Variants in BCO1 observed in about 807,000 individuals in gnomAD.
BCO1 encodes the protein beta-carotene oxygenase 1.
A neutral mutation model predicts 56.3 loss-of-function variants in BCO1; 54 were observed. The ratio of observed to expected loss-of-function variants is 0.96; its 90% CI spans 0.77 to 1.20. BCO1 has a LOEUF of 1.20. Among genes scored for constraint, BCO1 ranks in the 50% most tolerant of loss-of-function variants. The probability of loss-of-function intolerance (pLI) is 0.00; values close to 1 mark genes in which losing one functional copy is unlikely to be tolerated. For synonymous variants in BCO1, 318 were observed against 266.1 expected, an observed-to-expected ratio of 1.20 and a Z score of -1.90; for missense variants, 801 against 690.9, an observed-to-expected ratio of 1.16 and a Z score of -1.79.
chr16:81,267,829 T>C, intron 5 of BCO1, 79 bp from the exon 6 acceptor site: 1 of 1,222,708 alleles, frequency 8.2e-7, no homozygotes, highest in South Asian at 1.2e-5. Flanking sequence ...TCAAGTCAGT[T>C]TGTAGGTGAT....
intron 9 of BCO1, among the ~76,000 whole-genome samples, chr16:81,287,094 C>G (rs1240526762): frequency 6.7e-6 from 1 of 149,332 alleles, no homozygotes; most frequent in African/African-American, 2.5e-5. Context: ...AACAAACAAA[C>G]AAAAAACTGG....
At chr16:81,273,472 C>G (rs565443408) in intron 7 of BCO1, among the ~76,000 whole-genome samples, 1 of 152,248 alleles carries the variant, frequency 6.6e-6, no homozygotes, top group African/African-American at 2.4e-5. Flanking sequence ...TTCAGCCACC[C>G]TCCCAGCCAG....
chr16:81,252,837 T>G (rs1464591062), intron 2 of BCO1, among the ~76,000 whole-genome samples: 1 of 152,150 alleles, frequency 6.6e-6, no homozygotes, highest in Non-Finnish European at 1.5e-5. Flanking sequence ...TGGGAGTCAA[T>G]GCGCAGGACC....
intron 5 of BCO1, among the ~76,000 whole-genome samples, chr16:81,265,883 C>T (rs1445233030): frequency 2.1e-5 from 3 of 141,660 alleles, no homozygotes; most frequent in Non-Finnish European, 3.1e-5. Context: ...ATCCATCTAC[C>T]ATCCATCCAT....
intron 2 of BCO1, among the ~76,000 whole-genome samples, chr16:81,245,849 C>CTTTT (rs1176582576): frequency 2.1e-5 from 2 of 93,368 alleles, no homozygotes; most frequent in African/African-American, 7.6e-5. Flanking sequence ...CCATCTCTGT[C>CTTTT]TTTTTTTTTT....
In BCO1 at chr16:81,238,798, G is replaced by T. The variant is rs1483890812; in HGVS notation, c.-111G>T. ...AGGAGAGACAGAGATGTGAAGGAGG[G>T]AAGGAGCAGGAGAGCAGGAAGGAAA... On this transcript the variant is annotated 5_prime_UTR_variant, in exon 1 of 11. Transcript: ENST00000258168. The T allele has an allele frequency of 1.1e-6, 1 of 926,824 alleles. No individual in the cohort carries two copies. The highest frequency in any genetic ancestry group is 1.8e-5 in the Admixed American group (1 of 56,026). The allele number at this position is 926,824 out of a possible 1,614,324, so 57.4% of individuals were successfully genotyped here.
chr16:81,269,331 T>C, intron 6 of BCO1, among the ~76,000 whole-genome samples: 1 of 150,170 alleles, frequency 6.7e-6, no homozygotes. Flanking sequence ...AGAGTCTCAC[T>C]CTGTCACCCA....
chr16:81,287,078 A>AAAAC (rs763218062), intron 9 of BCO1, among the ~76,000 whole-genome samples: 4 of 150,972 alleles, frequency 2.6e-5, no homozygotes, highest in Non-Finnish European at 4.4e-5. Context: ...TCCGTCTCAA[A>AAAAC]AAACAAACAA....
rs761525134 is a variant in BCO1, at chr16:81,245,591, A to T, written c.181A>T (p.Thr61Ser). ...FDGLALLHSFTIRDGEVYYRS... is the reference protein window; with the variant it reads ...FDGLALLHSFSIRDGEVYYRS... ...CGGCCTTGCCCTGCTCCACAGCTTC[A>T]CCATCAGAGACGGTGAGAACACCCA... Residue 61 changes from threonine to serine, a missense_variant, in exon 2 of 11, where the codon ACC becomes TCC. Physicochemically the swap from Thr to Ser is moderately conservative, Grantham distance 58 (BLOSUM62 1). Transcript: ENST00000258168. 2.5e-6 allele frequency: 4 copies of T among 1,614,174 alleles called. No individual in the cohort carries two copies. The highest frequency in any genetic ancestry group is 8.5e-7 in the Non-Finnish European group (1 of 1,180,034).
chr16:81,244,526 T>TA (rs1905283265), intron 1 of BCO1, among the ~76,000 whole-genome samples: 1 of 152,062 alleles, frequency 6.6e-6, no homozygotes, highest in African/African-American at 2.4e-5. Flanking sequence ...TGCTGATAGC[T>TA]ACCATATTGG....
rs373799745 is a variant in BCO1, at chr16:81,238,895, C to T, written c.-14C>T. The T allele has an allele frequency of 5.6e-5, 90 of 1,613,444 alleles. No individual in the cohort carries two copies. The highest frequency in any genetic ancestry group is 7.3e-5 in the Non-Finnish European group (86 of 1,179,634). On this transcript the variant is annotated 5_prime_UTR_variant, in exon 1 of 11. Coordinates refer to ENST00000258168, the MANE Select transcript of BCO1 (RefSeq NM_017429.3). ...GTTTGCTGTTAAAATCGATCTCCCT[C>T]GGCACCCTGAGCAATGGATATAATA...
intron 2 of BCO1, among the ~76,000 whole-genome samples, chr16:81,250,100 T>G (rs1313518189): frequency 6.6e-6 from 1 of 152,186 alleles, no homozygotes; most frequent in African/African-American, 2.4e-5. Context: ...CATCCACAAC[T>G]CAGCCCTCCC....
intron 8 of BCO1, 111 bp from the exon 9 acceptor site, chr16:81,285,429 A>G: frequency 1.2e-6 from 1 of 814,198 alleles, no homozygotes; most frequent in East Asian, 2.5e-5. Flanking sequence ...AAGCTCAAGG[A>G]TCTTGGTGTG....
intron 5 of BCO1, 123 bp from the exon 6 acceptor site, chr16:81,267,785 C>T (rs986295813): frequency 5.0e-6 from 4 of 796,876 alleles, no homozygotes; most frequent in East Asian, 2.6e-5. Flanking sequence ...TCTGTCTACA[C>T]GTTGCTGTTT....
chr16:81,258,642 G>A (rs1012963440), intron 2 of BCO1, among the ~76,000 whole-genome samples: 2 of 152,224 alleles, frequency 1.3e-5, no homozygotes, highest in Non-Finnish European at 2.9e-5. Flanking sequence ...CTCTCAGATG[G>A]GTGACCCTGG....
chr16:81,245,445 C>G lies in BCO1; in HGVS notation c.65-30C>G, dbSNP rs371502168. 1.2e-5 allele frequency: 20 copies of G among 1,614,026 alleles called. No homozygotes were observed. The Admixed American group carries it at 2.8e-4, about 23-fold the overall frequency. Reference sequence around the variant, plus strand: ...CAGCATTTTGGTTTGCAGGTGGAAACGGGAAACTAAACATTCTCTCTTTTC... The same window carrying G: ...CAGCATTTTGGTTTGCAGGTGGAAAGGGGAAACTAAACATTCTCTCTTTTC... On this transcript the variant is annotated intron_variant, in intron 1 of 10. Coordinates refer to ENST00000258168, the MANE Select transcript of BCO1 (RefSeq NM_017429.3).
chr16:81,284,605 G>T (rs1908068080), intron 8 of BCO1, among the ~76,000 whole-genome samples: 1 of 151,776 alleles, frequency 6.6e-6, no homozygotes, highest in African/African-American at 2.4e-5. Flanking sequence ...TTAATTAACT[G>T]TTCTCCATTG....
At chr16:81,278,283 C>G (rs1907674503) in intron 7 of BCO1, among the ~76,000 whole-genome samples, 1 of 152,110 alleles carries the variant, frequency 6.6e-6, no homozygotes, top group African/African-American at 2.4e-5. Flanking sequence ...CTCAGATGAT[C>G]CACCCACCTC....
chr16:81,273,088 G>T (rs1907336207), intron 7 of BCO1, among the ~76,000 whole-genome samples: 1 of 152,100 alleles, frequency 6.6e-6, no homozygotes, highest in South Asian at 2.1e-4. Flanking sequence ...TCCTGTCTCA[G>T]TTTCCCAAGA....
Sources: gnomAD v4.1 joint callset for allele counts (sites outside exome capture counted in the v4.1 genomes callset) on GRCh38, gnomAD v4.1.1 for gene constraint, MANE v1.5 for transcripts, NCBI Gene and HGNC (gene_info 2026-07-23, HGNC 2026-07-21) for gene names.